SOX6: variants seen among roughly 807,000 people sequenced by gnomAD.
SOX6 encodes transcription factor SOX-6.
SOX6 carries 11 observed loss-of-function variants against 97.8 expected under a neutral mutation model. The ratio of observed to expected loss-of-function variants is 0.11; its 90% CI spans 0.07 to 0.19. SOX6 has a LOEUF of 0.19. Ranked by LOEUF, SOX6 falls within the 10% of genes least tolerant of loss-of-function variation. SOX6 has a pLI of 1.00. For missense variants in SOX6, 810 were observed against 1,039.5 expected (o/e 0.78, Z 3.04); for synonymous variants, 360 against 371.4 (o/e 0.97, Z 0.35).
intron 9 of SOX6, among the ~76,000 whole-genome samples, chr11:16,075,496 A>T (rs1263213832): frequency 6.6e-6 from 1 of 152,238 alleles, no homozygotes; most frequent in East Asian, 1.9e-4. Flanking sequence ...ATGAGTTCAC[A>T]TTCTTTGCAG....
In SOX6 at chr11:16,318,436, C is replaced by T; in HGVS notation, c.445+10G>A. The T allele has an allele frequency of 2.5e-6, 4 of 1,612,354 alleles. No individual in the cohort carries two copies. The highest frequency in any genetic ancestry group is 1.1e-5 in the South Asian group (1 of 91,042). On this transcript the variant is annotated intron_variant, in intron 3 of 15. Coordinates refer to ENST00000683767, the MANE Select transcript of SOX6 (RefSeq NM_001367873.1). ...AAAAAACAGAGCCCAACAGTGAAGT[C>T]CACACATACCCTCTTGTTCAGTCCG...
At chr11:16,094,212 C>A (rs762947171) in intron 9 of SOX6, among the ~76,000 whole-genome samples, 17 of 151,514 alleles carry the variant, frequency 1.1e-4, no homozygotes, top group Non-Finnish European at 1.9e-4. Context: ...ATCACTACAG[C>A]ACTACAGAGC....
chr11:16,357,061 A>G (rs1313572621), upstream of SOX6, among the ~76,000 whole-genome samples: 1 of 152,148 alleles, frequency 6.6e-6, no homozygotes, highest in Non-Finnish European at 1.5e-5. Context: ...ATCACTCAAT[A>G]GAAATATGAA....
chr11:16,025,872 C>T (rs1265709322), intron 12 of SOX6, among the ~76,000 whole-genome samples: 1 of 152,040 alleles, frequency 6.6e-6, no homozygotes, highest in African/African-American at 2.4e-5. Context: ...ATGTATGCTG[C>T]ACAAATAACA....
At chr11:16,393,882 G>A (rs1858263887) in intron 1 of SOX6, among the ~76,000 whole-genome samples, 2 of 152,124 alleles carry the variant, frequency 1.3e-5, no homozygotes, top group African/African-American at 4.8e-5. Flanking sequence ...CTGGTCCTTA[G>A]AAGAACCTAA....
intron 9 of SOX6, among the ~76,000 whole-genome samples, chr11:16,076,840 G>C (rs1257658584): frequency 1.4e-5 from 2 of 138,968 alleles, no homozygotes; most frequent in African/African-American, 2.7e-5. Flanking sequence ...TGCAAGCTCC[G>C]CTTCCCGGGT....
chr11:16,479,320 A>G (rs905303587), upstream of SOX6, among the ~76,000 whole-genome samples: 7 of 152,182 alleles, frequency 4.6e-5, no homozygotes, highest in African/African-American at 1.4e-4. Flanking sequence ...ACTTGAGGCC[A>G]GGAGTTTGAT....
chr11:16,055,890 G>A lies in SOX6; in HGVS notation c.1113C>T (p.Ala371=), dbSNP rs766953577. 55 of 1,613,480 alleles carry A rather than the reference G, an allele frequency of 3.4e-5. No individual in the cohort carries two copies. Among genetic ancestry groups the A allele is most frequent in the Admixed American group, 1.3e-4 (8 of 59,888 alleles). ...YNHKQIEQLY[A]AQLASMQVSP... is the part of the protein sequence containing the mutation. Reference sequence around the variant, plus strand: ...ACACCTGCATGCTGGCCAGCTGAGCGGCATAGAGCTGCTGCAAAACAGGGA... The same window carrying A: ...ACACCTGCATGCTGGCCAGCTGAGCAGCATAGAGCTGCTGCAAAACAGGGA... The change falls in exon 10 of 16, where the codon GCC becomes GCT. Residue 371 remains alanine (A), a synonymous_variant. Transcript: ENST00000683767.
intron 1 of SOX6, among the ~76,000 whole-genome samples, chr11:16,468,916 T>G (rs887767529): frequency 1.3e-5 from 2 of 152,168 alleles, no homozygotes; most frequent in African/African-American, 4.8e-5. Flanking sequence ...CACACCAACT[T>G]ATTTTGAAAT....
At chr11:16,126,211 C>T (rs964521586) in intron 6 of SOX6, among the ~76,000 whole-genome samples, 1 of 152,064 alleles carries the variant, frequency 6.6e-6, no homozygotes, top group Non-Finnish European at 1.5e-5. Context: ...AGGCATTTTC[C>T]ATGGCCCTAG....
At chr11:16,572,971 TA>T (rs894509546) in intron 4 of SOX6, among the ~76,000 whole-genome samples, 3 of 152,214 alleles carry the variant, frequency 2.0e-5, no homozygotes, top group African/African-American at 7.2e-5. Context: ...CTCTACCTTT[TA>T]TATAAAAGTC....
rs1331662063 is a variant in SOX6 at position 16,605,504 on chromosome 11, G to A, written n.609+6577C>T. Among the ~76,000 whole-genome samples, 1 of 152,184 alleles carries A rather than the reference G, an allele frequency of 6.6e-6. No individual in the cohort carries two copies. Among genetic ancestry groups the A allele is most frequent in the Non-Finnish European group, 1.5e-5 (1 of 68,022 alleles). On this transcript the variant is annotated intron_variant and non_coding_transcript_variant, in intron 4 of 5. Coordinates refer to the SOX6 transcript ENST00000524520. The surrounding 1 kb of genome is among the most constrained non-coding windows in gnomAD (Gnocchi z 5.3). ...GGGGAAGGAAGGGCGACAAGCGGAG[G>A]GAGCTGGAGGCAACTCGAGCGGTGT... is the stretch of plus-strand genomic sequence containing the variant.
intron 4 of SOX6, among the ~76,000 whole-genome samples, chr11:16,533,832 A>C (rs1162780309): frequency 1.3e-5 from 2 of 152,238 alleles, no homozygotes; most frequent in Non-Finnish European, 1.5e-5. Flanking sequence ...ATAACCAATA[A>C]GATATCAAGT....
intron 13 of SOX6, among the ~76,000 whole-genome samples, chr11:15,998,005 G>A (rs775087137): frequency 6.6e-5 from 10 of 151,732 alleles, no homozygotes; most frequent in Non-Finnish European, 1.0e-4. Context: ...TCTTGAACCC[G>A]GGAGGCAGAG....
intron 4 of SOX6, among the ~76,000 whole-genome samples, chr11:16,493,791 G>A (rs1299464580): frequency 5.3e-5 from 8 of 152,080 alleles, no homozygotes; most frequent in East Asian, 1.9e-4. Context: ...AGAAATAAGC[G>A]TTCTCAAACA....
chr11:16,398,466 A>G (rs1027673832), intron 1 of SOX6, among the ~76,000 whole-genome samples: 1 of 151,460 alleles, frequency 6.6e-6, no homozygotes. Context: ...GTAAGGGTCT[A>G]CTAGGATAGG....
chr11:15,997,314 A>C (rs78822130), intron 13 of SOX6, among the ~76,000 whole-genome samples: 1,695 of 152,292 alleles, frequency 0.011, 34 homozygotes, highest in African/African-American at 0.039. Flanking sequence ...TAAGGAAAAT[A>C]AGAATAATAT....
intron 12 of SOX6, among the ~76,000 whole-genome samples, chr11:16,018,163 T>A (rs986103728): frequency 6.6e-6 from 1 of 152,084 alleles, no homozygotes; most frequent in Non-Finnish European, 1.5e-5. Flanking sequence ...AGCTGATGAA[T>A]GTTAAATGTT....
chr11:16,500,131 C>A (rs1393940875), intron 4 of SOX6, among the ~76,000 whole-genome samples: 1 of 152,176 alleles, frequency 6.6e-6, no homozygotes, highest in Non-Finnish European at 1.5e-5. Flanking sequence ...TGGGCTTCAT[C>A]CCTGGGATGC....
Sources: allele counts gnomAD v4.1 joint callset (sites outside exome capture counted in the v4.1 genomes callset), GRCh38; gene constraint gnomAD v4.1.1; non-coding constraint Gnocchi (gnomAD v3.1); transcripts MANE v1.5; gene names NCBI Gene and HGNC (gene_info 2026-07-23, HGNC 2026-07-21).